Variants in ADGRG1 observed in about 807,000 individuals in gnomAD.
ADGRG1 encodes adhesion G protein-coupled receptor G1.
In ADGRG1, 53 loss-of-function variants were observed where a neutral mutation model predicts 73.5. The observed-to-expected ratio is 0.72, with a 90% confidence interval of 0.58 to 0.91. ADGRG1 has a LOEUF of 0.91. Ranked by LOEUF, ADGRG1 falls within the 40% of genes least tolerant of loss-of-function variation. The pLI, the probability that ADGRG1 is intolerant of heterozygous loss-of-function variation, is 0.00. For synonymous variants in ADGRG1, 394 were observed against 374.4 expected (o/e 1.05, Z -0.60); for missense variants, 795 against 871.8 (o/e 0.91, Z 1.11).
upstream of ADGRG1, chr16:57,624,807 C>T: frequency 3.3e-6 from 2 of 614,196 alleles, no homozygotes; most frequent in Non-Finnish European, 4.1e-6. Flanking sequence ...TCCTCTCTAC[C>T]TCCTTTGCAG....
intron 1 of ADGRG1, among the ~76,000 whole-genome samples, chr16:57,637,923 C>T (rs530317196): frequency 1.1e-3 from 174 of 152,324 alleles, no homozygotes; most frequent in Non-Finnish European, 2.2e-3. Flanking sequence ...TTGACTGAGA[C>T]CCCAGGACCT....
chr16:57,638,485 G>T (rs561356460), intron 1 of ADGRG1, among the ~76,000 whole-genome samples: 2 of 152,204 alleles, frequency 1.3e-5, no homozygotes, highest in South Asian at 2.1e-4. Flanking sequence ...TCCCAGCCCC[G>T]CCCCGGGAGC....
intron 1 of ADGRG1, chr16:57,647,149 A>G (rs2042869134): frequency 1.0e-6 from 1 of 985,304 alleles, no homozygotes; most frequent in Non-Finnish European, 1.2e-6. Flanking sequence ...AGGGGCGCTA[A>G]GTGGACAAGC....
chr16:57,629,535 A>G (rs2037124462), intron 1 of ADGRG1: 1 of 152,218 alleles, frequency 6.6e-6, no homozygotes, highest in East Asian at 1.9e-4. Context: ...ACTCCTGAGG[A>G]CAGCTTTCCT....
At chr16:57,662,798 A>G (rs1482216303) in intron 13 of ADGRG1, 1 of 246,378 alleles carries the variant, frequency 4.1e-6, no homozygotes, top group African/African-American at 2.3e-5. Context: ...ATTGAGGTGC[A>G]CACACAGGCA....
rs1374054369 is a variant in ADGRG1, at chr16:57,650,220, A to G, written c.-35-33A>G. On this transcript the variant is annotated intron_variant, in intron 1 of 13. Transcript: ENST00000562631. The stretch of plus-strand genomic sequence containing the variant: ...GGCCAGCCCAACCACCACACAGTCC[A>G]CACTCCCAGCTAACACTCCTGGTCT... 9.5e-6 allele frequency: 15 copies of G among 1,573,286 alleles called. No homozygotes were observed. In the East Asian group the frequency reaches 2.9e-4, roughly 31 times the overall value.
At chr16:57,662,971 A>T (rs759952493) in intron 13 of ADGRG1, 23 of 985,250 alleles carry the variant, frequency 2.3e-5, no homozygotes, top group Middle Eastern at 5.2e-4. Flanking sequence ...GTTATTTAAC[A>T]TTCAAGCCTT....
intron 1 of ADGRG1, chr16:57,641,136 C>A: frequency 4.7e-6 from 4 of 846,386 alleles, no homozygotes; most frequent in Non-Finnish European, 5.7e-6. Context: ...GCAGAGAAGG[C>A]AGTCAGGGGA....
rs2036477922 is a variant in ADGRG1, at chr16:57,628,855, A to AGTGTGT, written c.-36+54_-36+55insTGTGTG. ...TGGGAAGGGGAATAGTGTGAGTGTG[A>AGTGTGT]GAGTGTGAGTGTGTGAGCGTGAGTG... On this transcript the variant is annotated intron_variant, in intron 1 of 13. Coordinates refer to ENST00000562631, the MANE Select transcript of ADGRG1 (RefSeq NM_201525.4). The AGTGTGT allele has an allele frequency of 3.4e-6, 3 of 880,844 alleles. No individual in the cohort carries two copies. In the African/African-American group the frequency reaches 5.5e-5, roughly 16 times the overall value. 54.6% of individuals were successfully genotyped at this position (880,844 alleles called of 1,614,324 possible).
At chr16:57,637,463 C>A in intron 1 of ADGRG1, 1 of 985,284 alleles carries the variant, frequency 1.0e-6, no homozygotes, top group Non-Finnish European at 1.2e-6. Flanking sequence ...CTCGTCTGTA[C>A]CTCCCCCCAG....
At chr16:57,652,223 T>A in intron 3 of ADGRG1, 1 of 852,992 alleles carries the variant, frequency 1.2e-6, no homozygotes, top group Non-Finnish European at 1.4e-6. Flanking sequence ...CCCTTGAGTG[T>A]GACAGGTACA....
At position 57,628,933 on chromosome 16, in the gene ADGRG1, AGTGTGAGC is replaced by A. The variant is rs2036697461; in HGVS notation, c.-36+135_-36+142del. ...GTGTGTGAGAGTGAGTGTGAGTGTG[AGTGTGAGC>A]GTGAGAGTGTGAGAGTGTGTGAGTG... On this transcript the variant is annotated intron_variant, in intron 1 of 13. Coordinates refer to ENST00000562631, the MANE Select transcript of ADGRG1 (RefSeq NM_201525.4). 3.5e-5 allele frequency: 24 copies of A among 684,528 alleles called. 1 individual carries two copies. The Middle Eastern group carries it at 2.3e-3, about 64-fold the overall frequency. The allele number at this position is 684,528 out of a possible 1,614,324, so 42.4% of individuals were successfully genotyped here.
intron 1 of ADGRG1, chr16:57,630,616 G>A (rs753224830): frequency 7.2e-5 from 51 of 709,326 alleles, no homozygotes; most frequent in Non-Finnish European, 8.6e-5. Context: ...CTGGGCAAGG[G>A]CCAGTCAGCC....
chr16:57,657,527 C>T (rs776978105), intron 10 of ADGRG1, 36 bp downstream of exon 10: 1 of 1,470,426 alleles, frequency 6.8e-7, no homozygotes, highest in Non-Finnish European at 9.5e-7. Flanking sequence ...GGGAGGGGAC[C>T]CTCCATTGCA....
chr16:57,631,976 C>T (rs192789584), intron 1 of ADGRG1: 4 of 985,256 alleles, frequency 4.1e-6, no homozygotes, highest in East Asian at 1.1e-4. Context: ...GGCAGGAGGT[C>T]AGCTAAGCCC....
chr16:57,636,147 T>A, intron 1 of ADGRG1: 1 of 985,308 alleles, frequency 1.0e-6, no homozygotes, highest in Non-Finnish European at 1.2e-6. Flanking sequence ...GGGACCCACT[T>A]TTCTTTGCAC....
At chr16:57,656,711 T>A in intron 9 of ADGRG1, 94 bp downstream of exon 9, 2 of 816,504 alleles carry the variant, frequency 2.4e-6, no homozygotes, top group Non-Finnish European at 4.4e-6. Flanking sequence ...TTATTCCTCA[T>A]AACAGCTCTC....
intron 1 of ADGRG1, chr16:57,631,828 A>G: frequency 2.0e-6 from 2 of 985,272 alleles, no homozygotes; most frequent in Non-Finnish European, 2.4e-6. Context: ...CTGGTGCCCC[A>G]TCTGGGGCTC....
intron 1 of ADGRG1, chr16:57,632,819 TGGGAGATGGCCTGGCGGTG>T (rs1240401905): frequency 1.0e-6 from 1 of 985,430 alleles, no homozygotes. Context: ...TCTGCATTAG[TGGGAGATGGCCTGGCGGTG>T]GGGAGATGGC....
Sources: gnomAD v4.1 joint callset for allele counts (sites outside exome capture counted in the v4.1 genomes callset) on GRCh38, gnomAD v4.1.1 for gene constraint, MANE v1.5 for transcripts, NCBI Gene and HGNC (gene_info 2026-07-23, HGNC 2026-07-21) for gene names.